Variants in ADAM22 observed in about 807,000 individuals in gnomAD.
ADAM22 encodes the protein ADAM metallopeptidase domain 22.
In ADAM22, 65 loss-of-function variants were observed where a neutral mutation model predicts 144.6. That is an observed-to-expected ratio of 0.45 (90% confidence interval 0.37 to 0.55). The LOEUF is 0.55. ADAM22 is among the 20% of genes least tolerant of loss of function. The pLI, the probability that ADAM22 is intolerant of heterozygous loss-of-function variation, is 0.00. For missense variants in ADAM22, 974 were observed against 1,184.9 expected, an observed-to-expected ratio of 0.82 and a Z score of 2.61; for synonymous variants, 391 against 412.6, an observed-to-expected ratio of 0.95 and a Z score of 0.63.
At chr7:88,022,233 A>G (rs1327995044) in intron 3 of ADAM22, among the ~76,000 whole-genome samples, 1 of 151,958 alleles carries the variant, frequency 6.6e-6, no homozygotes, top group Non-Finnish European at 1.5e-5. Flanking sequence ...TTAATTAGCT[A>G]TTACTTAACC....
chr7:88,108,918 A>C (rs187984013), intron 5 of ADAM22, among the ~76,000 whole-genome samples: 142 of 152,264 alleles, frequency 9.3e-4, no homozygotes, highest in African/African-American at 3.2e-3. Flanking sequence ...GATACCTTAA[A>C]ATGATATTTG....
chr7:88,035,983 C>G (rs1047980344), intron 3 of ADAM22, among the ~76,000 whole-genome samples: 2 of 152,118 alleles, frequency 1.3e-5, no homozygotes, highest in African/African-American at 4.8e-5. Flanking sequence ...TGTTCTTGGT[C>G]TTTGTGTAGA....
chr7:87,970,242 C>CAT (rs3086406), intron 2 of ADAM22, among the ~76,000 whole-genome samples: 12,248 of 150,574 alleles, frequency 0.081, 963 homozygotes, highest in East Asian at 0.35. Flanking sequence ...ATATACAAGC[C>CAT]ATATATATAT....
intron 7 of ADAM22, among the ~76,000 whole-genome samples, chr7:88,121,411 G>T (rs1188382101): frequency 6.6e-6 from 1 of 151,936 alleles, no homozygotes; most frequent in Non-Finnish European, 1.5e-5. Flanking sequence ...TGCTGTATAA[G>T]AAATTACTCT....
chr7:88,164,274 A>G (rs1037371080), intron 23 of ADAM22, among the ~76,000 whole-genome samples: 1 of 152,114 alleles, frequency 6.6e-6, no homozygotes, highest in Non-Finnish European at 1.5e-5. Context: ...ACAAAACACA[A>G]GAGACCAAAC....
At chr7:88,068,212 G>A (rs934818479) in intron 3 of ADAM22, among the ~76,000 whole-genome samples, 2 of 152,146 alleles carry the variant, frequency 1.3e-5, no homozygotes, top group African/African-American at 4.8e-5. Context: ...AAATGGAGGT[G>A]TTGGGGAGGG....
chr7:87,995,468 C>A (rs1488878037), intron 3 of ADAM22, among the ~76,000 whole-genome samples: 1 of 152,148 alleles, frequency 6.6e-6, no homozygotes, highest in African/African-American at 2.4e-5. Context: ...ATTATAATAA[C>A]CTGGGGAATT....
intron 3 of ADAM22, among the ~76,000 whole-genome samples, chr7:88,024,675 A>G (rs1798585335): frequency 1.3e-5 from 2 of 150,058 alleles, no homozygotes; most frequent in African/African-American, 4.9e-5. Flanking sequence ...AACATTAGGT[A>G]AATCTCCTAA....
At chr7:88,006,824 C>T (rs1339473560) in intron 3 of ADAM22, among the ~76,000 whole-genome samples, 1 of 150,872 alleles carries the variant, frequency 6.6e-6, no homozygotes, top group Non-Finnish European at 1.5e-5. Flanking sequence ...TGGAAGTATT[C>T]CCTTTGAAAA....
rs185444455 is a variant in ADAM22, at chr7:88,070,762, C to T, written c.324-4864C>T. Reference sequence around the variant, plus strand: ...ATTAGACATGTTGAATTTGAGATGCCTATTTGACATCCTAGTAGAGACTGG... The same window carrying T: ...ATTAGACATGTTGAATTTGAGATGCTTATTTGACATCCTAGTAGAGACTGG... On this transcript the variant is annotated intron_variant, in intron 3 of 31. Transcript: ENST00000413139. Among the ~76,000 whole-genome samples the T allele has an allele frequency of 5.9e-4, 90 of 152,120 alleles. 1 individual carries two copies. The highest frequency in any genetic ancestry group is 2.1e-3 in the African/African-American group (89 of 41,500).
chr7:88,105,019 A>G (rs566375090), intron 4 of ADAM22, among the ~76,000 whole-genome samples: 7 of 152,230 alleles, frequency 4.6e-5, no homozygotes, highest in Non-Finnish European at 7.4e-5. Context: ...ACTCTCCCCA[A>G]TATAATGGAG....
chr7:88,095,885 A>G lies in ADAM22; in HGVS notation c.391-12291A>G, dbSNP rs377579754. On this transcript the variant is annotated intron_variant, in intron 4 of 31. Coordinates refer to ENST00000413139, the MANE Select transcript of ADAM22 (RefSeq NM_001324418.2). ...TTGCCTTGACTCTTTTACTTGATCA[A>G]TCTTGTTAGAATTTTTTGTAAATAC... Among the ~76,000 whole-genome samples, 16 of 152,002 alleles carry G rather than the reference A, an allele frequency of 1.1e-4. No individual in the cohort carries two copies. In the South Asian group the frequency reaches 1.9e-3, roughly 18 times the overall value.
At chr7:88,105,887 C>T (rs771417412) in intron 4 of ADAM22, among the ~76,000 whole-genome samples, 3 of 152,148 alleles carry the variant, frequency 2.0e-5, no homozygotes, top group Non-Finnish European at 4.4e-5. Flanking sequence ...TAGCAGCAAA[C>T]ACTTGTTGAG....
intron 15 of ADAM22, 94 bp downstream of exon 15, chr7:88,143,219 CT>C: frequency 1.2e-6 from 1 of 851,938 alleles, no homozygotes; most frequent in South Asian, 1.7e-5. Context: ...TCTTAGAGAG[CT>C]TTTCAACTTG....
intron 2 of ADAM22, among the ~76,000 whole-genome samples, chr7:87,947,060 G>C (rs1183621354): frequency 6.6e-6 from 1 of 152,126 alleles, no homozygotes; most frequent in East Asian, 1.9e-4. Context: ...GAGAGAGGAA[G>C]GGAAGGAGAG....
chr7:88,027,807 T>G (rs1383223985), intron 3 of ADAM22, among the ~76,000 whole-genome samples: 1 of 143,740 alleles, frequency 7.0e-6, no homozygotes, highest in Non-Finnish European at 1.5e-5. Context: ...CTTTTCTACC[T>G]TTTTTTTTTT....
At chr7:88,130,031 AGATTTG>A (rs1365050991) in intron 9 of ADAM22, among the ~76,000 whole-genome samples, 1 of 152,116 alleles carries the variant, frequency 6.6e-6, no homozygotes, top group Non-Finnish European at 1.5e-5. Context: ...ACCCCTACTT[AGATTTG>A]TATGTCTTGC....
chr7:88,103,953 A>G (rs1355765324), intron 4 of ADAM22, among the ~76,000 whole-genome samples: 1 of 152,174 alleles, frequency 6.6e-6, no homozygotes, highest in Admixed American at 6.6e-5. Flanking sequence ...ATACAATTAT[A>G]TCTGTCCCAT....
chr7:88,117,540 A>G (rs1449632758), intron 7 of ADAM22, among the ~76,000 whole-genome samples: 1 of 152,124 alleles, frequency 6.6e-6, no homozygotes, highest in Non-Finnish European at 1.5e-5. Flanking sequence ...TGGAGCAGTG[A>G]TTATGCAGGG....
Sources: gnomAD v4.1 joint callset for allele counts (sites outside exome capture counted in the v4.1 genomes callset) on GRCh38, gnomAD v4.1.1 for gene constraint, MANE v1.5 for transcripts, NCBI Gene and HGNC (gene_info 2026-07-23, HGNC 2026-07-21) for gene names.